Variants in ADGRL2 observed in about 807,000 individuals in gnomAD.
ADGRL2 encodes calcium-independent alpha-latrotoxin receptor 2.
A neutral mutation model predicts 157.4 loss-of-function variants in ADGRL2; 44 were observed. That is an observed-to-expected ratio of 0.28 (90% confidence interval 0.22 to 0.36). The LOEUF is 0.36. Among genes scored for constraint, ADGRL2 ranks in the 10% least tolerant of loss-of-function variants. The probability of loss-of-function intolerance (pLI) is 1.00; values close to 1 mark genes in which losing one functional copy is unlikely to be tolerated. For missense variants in ADGRL2, 1,510 were observed against 1,768.9 expected (o/e 0.85, Z 2.63); for synonymous variants, 585 against 624.7 (o/e 0.94, Z 0.95).
intron 2 of ADGRL2, among the ~76,000 whole-genome samples, chr1:81,500,185 C>G (rs1215299207): frequency 2.0e-5 from 3 of 152,150 alleles, no homozygotes; most frequent in African/African-American, 4.8e-5. Context: ...GAAATGGGAA[C>G]ACTTGCCTGC....
chr1:81,338,033 T>C (rs929495572), intron 1 of ADGRL2, among the ~76,000 whole-genome samples: 1 of 152,192 alleles, frequency 6.6e-6, no homozygotes, highest in Non-Finnish European at 1.5e-5. Context: ...TTTTAGAAAT[T>C]GTCTAAGCTA....
rs79247396 is a variant in ADGRL2, at chr1:81,338,584, T to G, written c.-302+32075T>G. Among the ~76,000 whole-genome samples the G allele has an allele frequency of 2.8e-3, 419 of 152,262 alleles. 5 individuals carry two copies. In the South Asian group the frequency reaches 0.051, roughly 19 times the overall value. On this transcript the variant is annotated intron_variant, in intron 1 of 24. Transcript: ENST00000370721. ...GAAAATACGGATCCAAGAAGGTCTT[T>G]TACAATGGCAGAAGTTACTTTGTGC...
At chr1:81,372,997 T>C (rs1323486027) in intron 1 of ADGRL2, among the ~76,000 whole-genome samples, 2 of 152,204 alleles carry the variant, frequency 1.3e-5, no homozygotes, top group African/African-American at 4.8e-5. Flanking sequence ...GAGCTTCCAA[T>C]AGTCTCTGAT....
At chr1:81,508,820 A>G (rs957968621) in intron 2 of ADGRL2, among the ~76,000 whole-genome samples, 2 of 152,208 alleles carry the variant, frequency 1.3e-5, no homozygotes, top group Admixed American at 1.3e-4. Flanking sequence ...TGCCCCTGAC[A>G]TAACCTTTAG....
At chr1:81,787,840 C>A (rs984285243) in intron 2 of ADGRL2, among the ~76,000 whole-genome samples, 1 of 152,078 alleles carries the variant, frequency 6.6e-6, no homozygotes, top group African/African-American at 2.4e-5. Context: ...TGAGGTAATA[C>A]ATATACAACC....
chr1:81,658,249 C>A (rs1395872212), intron 3 of ADGRL2, among the ~76,000 whole-genome samples: 1 of 151,902 alleles, frequency 6.6e-6, no homozygotes, highest in Non-Finnish European at 1.5e-5. Context: ...GCACGTGCCA[C>A]CGCGCTCAGC....
At chr1:81,412,674 G>A (rs2076966974) in intron 1 of ADGRL2, among the ~76,000 whole-genome samples, 1 of 152,170 alleles carries the variant, frequency 6.6e-6, no homozygotes, top group Admixed American at 6.5e-5. Flanking sequence ...ATTTACAAGA[G>A]GATGAAAGAA....
chr1:81,573,680 T>C (rs1021178887), intron 2 of ADGRL2, among the ~76,000 whole-genome samples: 2 of 152,184 alleles, frequency 1.3e-5, no homozygotes, highest in African/African-American at 4.8e-5. Flanking sequence ...CTCTATCCCG[T>C]ACAAAGTGGT....
At chr1:81,341,839 C>T (rs1662097743) in intron 1 of ADGRL2, among the ~76,000 whole-genome samples, 1 of 152,128 alleles carries the variant, frequency 6.6e-6, no homozygotes, top group Non-Finnish European at 1.5e-5. Flanking sequence ...CTAGTAACTG[C>T]ATTTATTTTA....
chr1:81,963,400 A>G (rs1656083590), intron 11 of ADGRL2, among the ~76,000 whole-genome samples: 1 of 151,964 alleles, frequency 6.6e-6, no homozygotes, highest in Non-Finnish European at 1.5e-5. Flanking sequence ...GAATTACTGC[A>G]TTAAGCTAGG....
intron 1 of ADGRL2, among the ~76,000 whole-genome samples, chr1:81,750,177 C>T (rs2085442839): frequency 6.6e-6 from 1 of 152,230 alleles, no homozygotes; most frequent in Middle Eastern, 3.4e-3. Context: ...TCTTTCTGTT[C>T]ACCTAACCTA....
At chr1:81,387,466 G>A (rs2076458011) in intron 1 of ADGRL2, among the ~76,000 whole-genome samples, 2 of 151,958 alleles carry the variant, frequency 1.3e-5, no homozygotes, top group Non-Finnish European at 2.9e-5. Context: ...TTTATGATTT[G>A]TTTTCTATAG....
chr1:81,510,522 T>C (rs1162456620), intron 2 of ADGRL2, among the ~76,000 whole-genome samples: 1 of 152,092 alleles, frequency 6.6e-6, no homozygotes, highest in East Asian at 1.9e-4. Flanking sequence ...TCCCTTAAAA[T>C]GAGCCATGAT....
intron 3 of ADGRL2, among the ~76,000 whole-genome samples, chr1:81,676,271 A>G (rs1280088097): frequency 4.6e-5 from 7 of 151,948 alleles, no homozygotes; most frequent in Admixed American, 4.6e-4. Flanking sequence ...GGCCTCCCAA[A>G]GTGCTGGGCT....
chr1:81,386,240 T>A (rs2076432629), intron 1 of ADGRL2, among the ~76,000 whole-genome samples: 1 of 152,166 alleles, frequency 6.6e-6, no homozygotes, highest in African/African-American at 2.4e-5. Flanking sequence ...GTCTCTTTTA[T>A]AAAGGACCTA....
At chr1:81,523,637 A>G (rs912945712) in intron 2 of ADGRL2, among the ~76,000 whole-genome samples, 2 of 152,236 alleles carry the variant, frequency 1.3e-5, no homozygotes, top group African/African-American at 4.8e-5. Flanking sequence ...AAATCACCCA[A>G]ACTTTTTTCA....
At chr1:81,938,494 T>C (rs2095341679) in intron 4 of ADGRL2, among the ~76,000 whole-genome samples, 1 of 151,760 alleles carries the variant, frequency 6.6e-6, no homozygotes. Flanking sequence ...ATTTTACTTT[T>C]TCAGTTCCCC....
chr1:81,736,229 G>T (rs2084897869), intron 1 of ADGRL2, among the ~76,000 whole-genome samples: 1 of 151,530 alleles, frequency 6.6e-6, no homozygotes, highest in Admixed American at 6.6e-5. Context: ...TGAACTGGCA[G>T]ACAATAGTAT....
chr1:81,959,177 G>A (rs1654543775), intron 11 of ADGRL2, among the ~76,000 whole-genome samples: 1 of 152,092 alleles, frequency 6.6e-6, no homozygotes, highest in Non-Finnish European at 1.5e-5. Flanking sequence ...ATTTAGGATT[G>A]GCAGTCATTT....
Sources: allele counts gnomAD v4.1 joint callset (sites outside exome capture counted in the v4.1 genomes callset), GRCh38; gene constraint gnomAD v4.1.1; transcripts MANE v1.5; gene names NCBI Gene and HGNC (gene_info 2026-07-23, HGNC 2026-07-21).